Variants in AGTPBP1 observed in about 807,000 individuals in gnomAD.
AGTPBP1 encodes ATP/GTP binding carboxypeptidase 1.
A neutral mutation model predicts 143.9 loss-of-function variants in AGTPBP1; 70 were observed. The ratio of observed to expected loss-of-function variants is 0.49; its 90% confidence interval spans 0.40 to 0.59. The LOEUF (loss-of-function observed/expected upper bound fraction) is 0.59. Ranked by LOEUF, AGTPBP1 falls within the 20% of genes least tolerant of loss-of-function variation. The pLI is 0.00. For missense variants in AGTPBP1, 1,229 were observed against 1,464.5 expected (o/e 0.84, Z 2.62); for synonymous variants, 463 against 500.2 (o/e 0.93, Z 0.99).
At chr9:85,723,593 G>A (rs1206691848) in intron 1 of AGTPBP1, among the ~76,000 whole-genome samples, 1 of 152,216 alleles carries the variant, frequency 6.6e-6, no homozygotes, top group Non-Finnish European at 1.5e-5. Context: ...TCCAAGTACA[G>A]ACTGTCATGG....
intron 3 of AGTPBP1, among the ~76,000 whole-genome samples, chr9:85,682,172 T>TAAAAAAAAAAAAAA (rs745339958): frequency 1.2e-5 from 1 of 85,830 alleles, no homozygotes; most frequent in African/African-American, 4.4e-5. Flanking sequence ...TAGGATTGGT[T>TAAAAAAAAAAAAAA]AAAAAAAAAA....
chr9:85,592,181 T>C lies in AGTPBP1; in HGVS notation c.2568+379A>G, dbSNP rs190191723. 7.9e-5 allele frequency among the ~76,000 whole-genome samples: 12 copies of C among 152,142 alleles called. No homozygotes were observed. The East Asian group carries it at 1.2e-3, about 15-fold the overall frequency. ...TGCAGAAATCTCACCTGGTTAAAAATTGTAAATCATGGAATCTTAGCTTAG... is the reference window on the plus strand; with the variant it reads ...TGCAGAAATCTCACCTGGTTAAAAACTGTAAATCATGGAATCTTAGCTTAG... On this transcript the variant is annotated intron_variant, in intron 19 of 25. Transcript: ENST00000357081.
At chr9:85,596,889 A>G (rs922399724) in intron 17 of AGTPBP1, among the ~76,000 whole-genome samples, 4 of 152,076 alleles carry the variant, frequency 2.6e-5, no homozygotes, top group Non-Finnish European at 5.9e-5. Context: ...CTCCATACAT[A>G]TATGTGTTTG....
intron 1 of AGTPBP1, among the ~76,000 whole-genome samples, chr9:85,739,877 G>T (rs980219349): frequency 1.3e-5 from 2 of 150,818 alleles, no homozygotes; most frequent in Admixed American, 6.6e-5. Context: ...GCTAGGCGTG[G>T]TGACGCGCGC....
At chr9:85,621,723 G>C (rs1172031949) in intron 14 of AGTPBP1, among the ~76,000 whole-genome samples, 1 of 152,118 alleles carries the variant, frequency 6.6e-6, no homozygotes, top group African/African-American at 2.4e-5. Context: ...TAGCTAAAAT[G>C]CAATTGGCAG....
chr9:85,606,392 G>GA (rs34239208), intron 17 of AGTPBP1, among the ~76,000 whole-genome samples: 164 of 129,226 alleles, frequency 1.3e-3, no homozygotes, highest in Middle Eastern at 3.9e-3. Context: ...ATTAAAAAGA[G>GA]AAAAAAAAAA....
chr9:85,589,163 G>C (rs1828797227), intron 20 of AGTPBP1, among the ~76,000 whole-genome samples: 2 of 152,106 alleles, frequency 1.3e-5, no homozygotes, highest in South Asian at 4.1e-4. Context: ...CAAAACAATT[G>C]ATAGGTTTCT....
intron 25 of AGTPBP1, among the ~76,000 whole-genome samples, chr9:85,571,213 C>T (rs1016706146): frequency 3.3e-5 from 5 of 152,076 alleles, no homozygotes; most frequent in African/African-American, 9.7e-5. Context: ...CTACTAGCAC[C>T]GAGGCTTACA....
chr9:85,786,498 G>T, the AGTPBP1 span: 1 of 1,613,828 alleles, frequency 6.2e-7, no homozygotes, highest in South Asian at 1.1e-5. Flanking sequence ...TCATTGCGAC[G>T]TTCCAGTCTT....
At chr9:85,740,952 G>C (rs937672396) in intron 1 of AGTPBP1, among the ~76,000 whole-genome samples, 3 of 152,154 alleles carry the variant, frequency 2.0e-5, no homozygotes, top group Non-Finnish European at 4.4e-5. Context: ...ATTCTACAAT[G>C]AGTAAACGCC....
intron 25 of AGTPBP1, among the ~76,000 whole-genome samples, chr9:85,566,663 G>A (rs1222294116): frequency 6.6e-6 from 1 of 151,352 alleles, no homozygotes; most frequent in Non-Finnish European, 1.5e-5. Flanking sequence ...TATGCATATA[G>A]AAATAAGATA....
At chr9:85,779,223 A>C in the AGTPBP1 span, among the ~76,000 whole-genome samples, 2 of 128,858 alleles carry the variant, frequency 1.6e-5, no homozygotes, top group African/African-American at 6.8e-5. Flanking sequence ...ATATAGATAT[A>C]GATATAGATA....
intron 12 of AGTPBP1, among the ~76,000 whole-genome samples, chr9:85,644,571 T>C (rs144569254): frequency 1.5e-4 from 23 of 152,114 alleles, no homozygotes; most frequent in African/African-American, 4.6e-4. Flanking sequence ...ACAGACTCAT[T>C]AGAAAAAAAC....
chr9:85,697,793 C>T (rs1244905731), intron 2 of AGTPBP1, among the ~76,000 whole-genome samples: 7 of 152,140 alleles, frequency 4.6e-5, no homozygotes, highest in Non-Finnish European at 7.4e-5. Context: ...TAAAATAATC[C>T]GCATGAACAA....
At chr9:85,795,037 T>A in the AGTPBP1 span, among the ~76,000 whole-genome samples, 1 of 152,188 alleles carries the variant, frequency 6.6e-6, no homozygotes, top group Non-Finnish European at 1.5e-5. Context: ...GAAACTTAGG[T>A]GGTGCTTACC....
chr9:85,546,973 G>T lies in AGTPBP1; in HGVS notation c.*136C>A. 1 of 818,600 alleles carries T rather than the reference G, an allele frequency of 1.2e-6. No homozygotes were observed. Among genetic ancestry groups the T allele is most frequent in the Non-Finnish European group, 1.7e-6 (1 of 581,070 alleles). 50.7% of individuals were successfully genotyped at this position (818,600 alleles called of 1,614,324 possible). A position where few individuals can be genotyped will look rare whatever the true frequency, so the allele number is the denominator to read the frequency against. On this transcript the variant is annotated 3_prime_UTR_variant, in exon 26 of 26. Coordinates refer to ENST00000357081, the MANE Select transcript of AGTPBP1 (RefSeq NM_001330701.2). Reference sequence around the variant, plus strand: ...TAATTAATAACACATTTATTATCTTGAAACCAAACTGGCCCAAGTTACTTT... The same window carrying T: ...TAATTAATAACACATTTATTATCTTTAAACCAAACTGGCCCAAGTTACTTT...
chr9:85,692,791 C>G lies in AGTPBP1; in HGVS notation c.55G>C (p.Val19Leu). 3.7e-6 allele frequency: 6 copies of G among 1,613,760 alleles called. No individual in the cohort carries two copies. Among genetic ancestry groups the G allele is most frequent in the Non-Finnish European group, 5.1e-6 (6 of 1,179,878 alleles). Residue 19 changes from valine (V) to leucine (L), a missense_variant, in exon 3 of 26, where the codon GTA becomes CTA. Around this residue, in one of 2 missense-constraint regions of AGTPBP1, gnomAD observed 743 missense variants for 812.2 expected, o/e 0.91. Transcript: ENST00000357081. ...TTCTCCAGTTGAGCCAGGAGTCCTA[C>G]GATCCTAGAATTATTGGTAAGGCTA... ...EKSLTNNSRI[V>L]GLLAQLEKIN...
intron 25 of AGTPBP1, among the ~76,000 whole-genome samples, chr9:85,556,076 C>A (rs1357220237): frequency 1.3e-5 from 2 of 152,066 alleles, no homozygotes; most frequent in South Asian, 4.2e-4. Context: ...GTAGAACAAA[C>A]CCCCGTGACA....
intron 6 of AGTPBP1, among the ~76,000 whole-genome samples, chr9:85,676,393 T>A (rs1043760485): frequency 2.6e-5 from 4 of 151,962 alleles, no homozygotes; most frequent in Non-Finnish European, 5.9e-5. Flanking sequence ...GGGCAAAAGA[T>A]CTGAATAAAC....
Sources: gnomAD v4.1 joint callset for allele counts (sites outside exome capture counted in the v4.1 genomes callset) on GRCh38, gnomAD v4.1.1 for gene constraint, gnomAD v4.1.1 regional missense constraint, MANE v1.5 for transcripts, NCBI Gene and HGNC (gene_info 2026-07-23, HGNC 2026-07-21) for gene names.